PIGL: variants seen among roughly 807,000 people sequenced by gnomAD.
PIGL encodes phosphatidylinositol glycan anchor biosynthesis class L, also known as N-acetylglucosaminyl-phosphatidylinositol de-N-acetylase.
PIGL carries 22 observed loss-of-function variants against 31.1 expected under a neutral mutation model. The observed-to-expected ratio is 0.71, with a 90% CI of 0.51 to 1.01. The LOEUF is 1.01. Ranked by LOEUF, PIGL falls within the 50% of genes least tolerant of loss-of-function variation. The probability of loss-of-function intolerance (pLI) is 0.00; values close to 1 mark genes in which losing one functional copy is unlikely to be tolerated. For missense variants in PIGL, 302 were observed against 315.9 expected, an observed-to-expected ratio of 0.96 and a Z score of 0.33; for synonymous variants, 131 against 117.4, an observed-to-expected ratio of 1.12 and a Z score of -0.75.
chr17:16,310,077 CAAAAAA>C (rs58352380), intron 3 of PIGL, among the ~76,000 whole-genome samples: 1 of 88,782 alleles, frequency 1.1e-5, no homozygotes, highest in Non-Finnish European at 2.2e-5. Flanking sequence ...GACTCCATCT[CAAAAAA>C]AAAAAAAAAA....
chr17:16,300,154 C>A (rs1232351762), intron 3 of PIGL, 176 bp downstream of exon 3: 1 of 587,104 alleles, frequency 1.7e-6, no homozygotes, highest in Non-Finnish European at 3.0e-6. Context: ...AACAAACACA[C>A]CTTTTGATAT....
intron 4 of PIGL, among the ~76,000 whole-genome samples, chr17:16,314,837 A>G (rs1369015042): frequency 6.6e-6 from 1 of 152,182 alleles, no homozygotes; most frequent in Admixed American, 6.5e-5. Flanking sequence ...CTTTCCAACC[A>G]CATGGTTACT....
At chr17:16,221,348 C>CTGGA (rs1366753089) in intron 1 of PIGL, among the ~76,000 whole-genome samples, 1 of 152,066 alleles carries the variant, frequency 6.6e-6, no homozygotes, top group Admixed American at 6.6e-5. Context: ...TAAAAGCTGA[C>CTGGA]TGGATCACAG....
intron 2 of PIGL, among the ~76,000 whole-genome samples, chr17:16,245,805 C>CAT (rs570798253): frequency 0.045 from 5,456 of 121,648 alleles, 165 homozygotes; most frequent in Non-Finnish European, 0.059. Flanking sequence ...CACACACACA[C>CAT]ATATATATAT....
At chr17:16,279,696 G>A (rs1201299592) in intron 2 of PIGL, 1 of 152,216 alleles carries the variant, frequency 6.6e-6, no homozygotes, top group Non-Finnish European at 1.5e-5. Flanking sequence ...CAGAGGCACA[G>A]GGACCTCAAC....
chr17:16,297,574 T>A (rs1019446600), intron 2 of PIGL, among the ~76,000 whole-genome samples: 3 of 152,202 alleles, frequency 2.0e-5, no homozygotes, highest in Non-Finnish European at 4.4e-5. Context: ...TTCCAAGACA[T>A]TTTCTCTGTT....
intron 6 of PIGL, among the ~76,000 whole-genome samples, chr17:16,318,430 C>T (rs1028191418): frequency 5.3e-5 from 8 of 151,900 alleles, no homozygotes; most frequent in Non-Finnish European, 7.4e-5. Context: ...CCACCACACC[C>T]GGCTAATTTT....
chr17:16,241,266 AG>A (rs1455039726), intron 2 of PIGL, among the ~76,000 whole-genome samples: 2 of 151,838 alleles, frequency 1.3e-5, no homozygotes, highest in African/African-American at 4.8e-5. Context: ...ATAATAAATT[AG>A]GCATCTTTAG....
chr17:16,223,335 T>C (rs1478651605), intron 1 of PIGL, among the ~76,000 whole-genome samples: 15 of 152,034 alleles, frequency 9.9e-5, no homozygotes, highest in Admixed American at 9.8e-4. Context: ...CCCCAGAACT[T>C]TGGGAGGCCA....
intron 6 of PIGL, among the ~76,000 whole-genome samples, chr17:16,325,074 G>A (rs1019703878): frequency 1.3e-5 from 2 of 152,006 alleles, no homozygotes; most frequent in Non-Finnish European, 1.5e-5. Flanking sequence ...GGCCAGGCGC[G>A]GTGGCTCACG....
chr17:16,304,159 T>C (rs1161224369), intron 3 of PIGL, among the ~76,000 whole-genome samples: 1 of 152,222 alleles, frequency 6.6e-6, no homozygotes, highest in Non-Finnish European at 1.5e-5. Context: ...TAGCTATAAC[T>C]GGCCATCATT....
At chr17:16,265,846 C>T (rs1441875592) in intron 2 of PIGL, among the ~76,000 whole-genome samples, 1 of 152,016 alleles carries the variant, frequency 6.6e-6, no homozygotes, top group African/African-American at 2.4e-5. Context: ...TCCCCCCATG[C>T]CCTGAAGAGC....
chr17:16,326,157 A>G lies in PIGL; in HGVS notation c.*259A>G, dbSNP rs1271193972. The G allele has an allele frequency of 2.2e-6, 1 of 452,610 alleles. No homozygotes were observed. Among genetic ancestry groups the G allele is most frequent in the Non-Finnish European group, 3.9e-6 (1 of 254,114 alleles). 28.0% of individuals were successfully genotyped at this position (452,610 alleles called of 1,614,324 possible). A position where few individuals can be genotyped will look rare whatever the true frequency, so the allele number is the denominator to read the frequency against. On this transcript the variant is annotated 3_prime_UTR_variant, in exon 7 of 7. Transcript: ENST00000225609. ...GCTAGCTTCTCAAGTTCTTGTGAAA[A>G]ACAATTTACATAATGACACAGTAGA... is the stretch of plus-strand genomic sequence containing the variant.
Position 16,302,295 on chromosome 17 carries a change from G to A in PIGL, c.426+2317G>A, listed in dbSNP as rs1351291628. 1.1e-4 allele frequency among the ~76,000 whole-genome samples: 16 copies of A among 152,088 alleles called. 1 individual carries two copies. The highest frequency in any genetic ancestry group is 6.6e-4 in the Admixed American group (10 of 15,264). On this transcript the variant is annotated intron_variant, in intron 3 of 6. Coordinates refer to ENST00000225609, the MANE Select transcript of PIGL (RefSeq NM_004278.4). The stretch of plus-strand genomic sequence containing the variant: ...TCCCAGAGGATCTGAGCATGAAAGC[G>A]GTAATGTTAGATCCATGGGCTTAGG...
At chr17:16,218,310 T>G (rs1265434900) in intron 1 of PIGL, 1 of 152,214 alleles carries the variant, frequency 6.6e-6, no homozygotes, top group Non-Finnish European at 1.5e-5. Context: ...TTATATCGTT[T>G]TTACTCGACA....
chr17:16,217,493 G>C (rs200256023), intron 1 of PIGL, 32 bp downstream of exon 1: 1 of 1,552,040 alleles, frequency 6.4e-7, no homozygotes, highest in Non-Finnish European at 8.9e-7. Flanking sequence ...GATGGGAGCC[G>C]GGGCTTTGAA....
intron 2 of PIGL, among the ~76,000 whole-genome samples, chr17:16,271,051 AATGT>A (rs1207221760): frequency 2.6e-5 from 4 of 152,158 alleles, no homozygotes; most frequent in African/African-American, 7.2e-5. Context: ...GAAGTCATAG[AATGT>A]ATGTATTTCT....
rs549192587 is a variant in PIGL at position 16,302,792 on chromosome 17, G to T, written c.426+2814G>T. The stretch of plus-strand genomic sequence containing the variant: ...TTTTTGTATTTCTGGTAGAGATGGG[G>T]TTTCACCATGTTGCCAGGATGGTCT... On this transcript the variant is annotated intron_variant, in intron 3 of 6. Transcript: ENST00000225609. Among the ~76,000 whole-genome samples, 3 of 4,774 alleles carry T rather than the reference G, an allele frequency of 6.3e-4. No individual in the cohort carries two copies. In the South Asian group the frequency reaches 0.01, roughly 17 times the overall value. The allele number at this position is 4,774 out of a possible 152,430, so 3.1% of individuals were successfully genotyped here. A position where few individuals can be genotyped will look rare whatever the true frequency, so the allele number is the denominator to read the frequency against.
At chr17:16,252,924 TAAAAC>T (rs1440949132) in intron 2 of PIGL, among the ~76,000 whole-genome samples, 1 of 151,974 alleles carries the variant, frequency 6.6e-6, no homozygotes, top group East Asian at 1.9e-4. Flanking sequence ...TATGGTGAAA[TAAAAC>T]AAAGAAGGCT....
Sources: allele counts gnomAD v4.1 joint callset (sites outside exome capture counted in the v4.1 genomes callset), GRCh38; gene constraint gnomAD v4.1.1; transcripts MANE v1.5; gene names NCBI Gene and HGNC (gene_info 2026-07-23, HGNC 2026-07-21).